The following RAB4B variants were observed in gnomAD, a reference collection of about 807,000 sequenced individuals.
RAB4B encodes ras-related protein Rab-4B.
A neutral mutation model predicts 28.3 loss-of-function variants in RAB4B; 15 were observed. The observed-to-expected ratio is 0.53, with a 90% CI of 0.35 to 0.82. The LOEUF is 0.82. Ranked by LOEUF, RAB4B falls within the 40% of genes least tolerant of loss-of-function variation. The pLI is 0.01. For missense variants in RAB4B, 244 were observed against 288.5 expected, an observed-to-expected ratio of 0.85 and a Z score of 1.12; for synonymous variants, 108 against 116.3, an observed-to-expected ratio of 0.93 and a Z score of 0.46.
chr19:40,782,193 G>A (rs1161573010), intron 3 of RAB4B, among the ~76,000 whole-genome samples: 1 of 152,162 alleles, frequency 6.6e-6, no homozygotes, highest in African/African-American at 2.4e-5. Flanking sequence ...AAGGCAGAGA[G>A]AGGGGCTGAA....
chr19:40,789,363 C>T (rs1393538465), intron 7 of RAB4B, among the ~76,000 whole-genome samples: 2 of 151,632 alleles, frequency 1.3e-5, no homozygotes, highest in South Asian at 2.1e-4. Context: ...CCACCACACC[C>T]AGCTAATTTT....
At chr19:40,779,147 G>A (rs1048912625) in intron 1 of RAB4B, 8 of 387,912 alleles carry the variant, frequency 2.1e-5, no homozygotes, top group Non-Finnish European at 2.8e-5. Context: ...AGGTGAAGAG[G>A]AACAAGGGCT....
At chr19:40,787,588 A>T (rs1599745494) in intron 7 of RAB4B, among the ~76,000 whole-genome samples, 1 of 129,718 alleles carries the variant, frequency 7.7e-6, no homozygotes, top group Non-Finnish European at 1.6e-5. Context: ...ACTGGGGGAG[A>T]GGGGTCAGAG....
chr19:40,786,904 C>T lies in RAB4B; in HGVS notation c.583C>T (p.Arg195Cys), dbSNP rs201478253. Residue 195 changes from arginine to cysteine, a missense_variant, in exon 7 of 8, where the codon CGC (arginine) becomes TGC (cysteine). Transcript: ENST00000357052. ...CATTCAGTACGGGGATGCGTCCCTCCGCCAGCTTCGGCAGCCTCGGAGTGC... is the reference window on the plus strand; with the variant it reads ...CATTCAGTACGGGGATGCGTCCCTCTGCCAGCTTCGGCAGCCTCGGAGTGC... ...SGIQYGDASL[R>C]QLRQPRSAQA... 57 of 1,613,948 alleles carry T rather than the reference C, an allele frequency of 3.5e-5. No individual in the cohort carries two copies. Among genetic ancestry groups the T allele is most frequent in the East Asian group, 4.5e-5 (2 of 44,892 alleles).
chr19:40,784,254 G>T (rs1212050948), intron 5 of RAB4B, among the ~76,000 whole-genome samples, 179 bp downstream of exon 5: 1 of 152,162 alleles, frequency 6.6e-6, no homozygotes, highest in East Asian at 1.9e-4. Flanking sequence ...CAGTTTGGGA[G>T]GCCAAGGTGG....
In RAB4B at chr19:40,783,762, C is replaced by T. The variant is rs376830446; in HGVS notation, c.213-16C>T. ...ACCCCAGCCTTGGGGGTGACTGGGT[C>T]CCCCTGGCCCCACAGGTCAGTGACG... is the stretch of plus-strand genomic sequence containing the variant. On this transcript the variant is annotated splice_polypyrimidine_tract_variant and intron_variant, in intron 3 of 7. Transcript: ENST00000357052. 7.3e-4 allele frequency: 1,125 copies of T among 1,539,954 alleles called. 1 individual carries two copies. The highest frequency in any genetic ancestry group is 9.2e-4 in the Non-Finnish European group (1,052 of 1,140,984).
chr19:40,786,894 T>C lies in RAB4B; in HGVS notation c.573T>C (p.Asp191=). ...TGGGCTCTGGCATTCAGTACGGGGA[T>C]GCGTCCCTCCGCCAGCTTCGGCAGC... ...ERMGSGIQYG[D]ASLRQLRQPR... The change falls in exon 7 of 8, where the codon GAT becomes GAC. Residue 191 remains aspartate, a synonymous_variant. Transcript: ENST00000357052. The C allele has an allele frequency of 6.2e-7, 1 of 1,614,094 alleles. No homozygotes were observed. The highest frequency in any genetic ancestry group is 8.5e-7 in the Non-Finnish European group (1 of 1,179,996).
chr19:40,789,173 GGCGTGAGCCACT>G (rs2083132790), intron 7 of RAB4B, among the ~76,000 whole-genome samples: 1 of 151,580 alleles, frequency 6.6e-6, no homozygotes, highest in East Asian at 1.9e-4. Context: ...TGAGATTACA[GGCGTGAGCCACT>G]GCGCCCGGCC....
At chr19:40,790,981 G>T (rs1000327350) in intron 7 of RAB4B, among the ~76,000 whole-genome samples, 1 of 151,042 alleles carries the variant, frequency 6.6e-6, no homozygotes, top group African/African-American at 2.4e-5. Flanking sequence ...TCAGCCTCCC[G>T]AGTAGCTGGG....
chr19:40,793,455 G>A (rs1218641985), intron 7 of RAB4B, among the ~76,000 whole-genome samples: 5 of 149,564 alleles, frequency 3.3e-5, no homozygotes, highest in Admixed American at 2.7e-4. Context: ...TGCTCAGGCT[G>A]GTCTCGAACT....
intron 1 of RAB4B, chr19:40,779,802 TA>T: frequency 8.0e-7 from 1 of 1,248,050 alleles, no homozygotes; most frequent in Non-Finnish European, 1.0e-6. Context: ...GAATCTAAAA[TA>T]AAAGTTGAAA....
chr19:40,786,733 C>G lies in RAB4B; in HGVS notation c.499C>G (p.Arg167Gly), dbSNP rs759985564. Residue 167 changes from arginine (R) to glycine (G), a missense_variant, in exon 6 of 8, where the codon CGC becomes GGC. By Grantham distance (125) the Arg-to-Gly change is moderately radical. Transcript: ENST00000357052. Reference protein sequence around the residue: ...NVEEAFLKCARTILNKIDSGE... With the variant: ...NVEEAFLKCAGTILNKIDSGE... Reference sequence around the variant, plus strand: ...GGAGGAGGCGTTCCTCAAGTGTGCCCGCACTATCCTCAACAAGATTGACTC... The same window carrying G: ...GGAGGAGGCGTTCCTCAAGTGTGCCGGCACTATCCTCAACAAGATTGACTC... 41 of 1,613,982 alleles carry G rather than the reference C, an allele frequency of 2.5e-5. No individual in the cohort carries two copies. Among genetic ancestry groups the G allele is most frequent in the Admixed American group, 3.3e-5 (2 of 59,994 alleles).
At chr19:40,784,235 T>G (rs1310204243) in intron 5 of RAB4B, among the ~76,000 whole-genome samples, 160 bp downstream of exon 5, 1 of 152,092 alleles carries the variant, frequency 6.6e-6, no homozygotes, top group Admixed American at 6.5e-5. Context: ...CTCACACCTG[T>G]AATCCCAGCA....
rs118163583 is a variant in RAB4B, at chr19:40,796,913, C to A, written c.*359C>A. On this transcript the variant is annotated 3_prime_UTR_variant, in exon 8 of 8. Transcript: ENST00000357052. Reference sequence around the variant, plus strand: ...ACCTGGAGGCCTGTCCAGCACCCACCCTACCCCCATAAAGCATTGTTTACA... The same window carrying A: ...ACCTGGAGGCCTGTCCAGCACCCACACTACCCCCATAAAGCATTGTTTACA... 893 of 152,820 alleles carry A rather than the reference C, an allele frequency of 5.8e-3. 6 individuals carry two copies. Among genetic ancestry groups the A allele is most frequent in the Middle Eastern group, 0.01 (3 of 294 alleles). The allele number at this position is 152,820 out of a possible 1,614,324, so 9.5% of individuals were successfully genotyped here.
At chr19:40,783,227 T>C (rs1465252367) in intron 3 of RAB4B, among the ~76,000 whole-genome samples, 3 of 142,888 alleles carry the variant, frequency 2.1e-5, no homozygotes, top group African/African-American at 7.9e-5. Context: ...AGCCCAGGAG[T>C]TGGAGACCAG....
At chr19:40,781,424 G>A (rs1264538481) in intron 3 of RAB4B, among the ~76,000 whole-genome samples, 2 of 152,068 alleles carry the variant, frequency 1.3e-5, no homozygotes, top group East Asian at 1.9e-4. Flanking sequence ...GTAGTTGGAC[G>A]TTGAATGAAT....
At chr19:40,782,818 G>GTCAGTCAA (rs1555777354) in intron 3 of RAB4B, among the ~76,000 whole-genome samples, 1 of 146,046 alleles carries the variant, frequency 6.8e-6, no homozygotes, top group Non-Finnish European at 1.5e-5. Context: ...ATCTCAATCA[G>GTCAGTCAA]TCAATCAATC....
chr19:40,793,710 G>A (rs2083181932), intron 7 of RAB4B, among the ~76,000 whole-genome samples: 2 of 150,452 alleles, frequency 1.3e-5, no homozygotes. Flanking sequence ...CAGATCACGA[G>A]GTCAGGAGTT....
At chr19:40,781,112 T>TAAAA (rs941942424) in intron 3 of RAB4B, among the ~76,000 whole-genome samples, 1 of 76,668 alleles carries the variant, frequency 1.3e-5, no homozygotes, top group African/African-American at 5.0e-5. Flanking sequence ...GTGTCTCTAC[T>TAAAA]AAAAAAAAAA....
Sources: allele counts gnomAD v4.1 joint callset (sites outside exome capture counted in the v4.1 genomes callset), GRCh38; gene constraint gnomAD v4.1.1; transcripts MANE v1.5; gene names NCBI Gene and HGNC (gene_info 2026-07-23, HGNC 2026-07-21).